The following TTC9 variants were observed in gnomAD, a reference collection of about 807,000 sequenced individuals.
TTC9 encodes the protein tetratricopeptide repeat protein 9A.
A neutral mutation model predicts 22.9 loss-of-function variants in TTC9; 13 were observed. The observed-to-expected ratio is 0.57, with a 90% CI of 0.37 to 0.90. The LOEUF (loss-of-function observed/expected upper bound fraction) is 0.90, where lower values mean the gene tolerates loss of function less well. Among genes scored for constraint, TTC9 ranks in the 40% least tolerant of loss-of-function variants. The pLI, the probability that TTC9 is intolerant of heterozygous loss-of-function variation, is 0.01. For missense variants in TTC9, 280 were observed against 291.8 expected (o/e 0.96, Z 0.29); for synonymous variants, 148 against 133.2 (o/e 1.11, Z -0.77).
At chr14:70,664,812 T>C (rs2139649362) in intron 1 of TTC9, among the ~76,000 whole-genome samples, 1 of 151,602 alleles carries the variant, frequency 6.6e-6, no homozygotes, top group Non-Finnish European at 1.5e-5. Context: ...TTCTCCATCT[T>C]TCTGGGCCCT....
At chr14:70,652,186 T>C (rs939221224) in intron 1 of TTC9, among the ~76,000 whole-genome samples, 3 of 152,218 alleles carry the variant, frequency 2.0e-5, no homozygotes, top group African/African-American at 7.2e-5. Context: ...TGCCTTGATC[T>C]TTCTGGGAGC....
chr14:70,658,572 T>TA (rs2139646089), intron 1 of TTC9, among the ~76,000 whole-genome samples: 1 of 152,258 alleles, frequency 6.6e-6, no homozygotes, highest in Non-Finnish European at 1.5e-5. Context: ...CACAGATATT[T>TA]AAAAAATAAT....
Position 70,674,299 on chromosome 14 carries a change from G to A in TTC9, c.*3144G>A, listed in dbSNP as rs1886338344. ...TTTAATTATTGTGAAAGCATCATGT[G>A]TGTATTGTAGAAGTTTTAGGAAAAA... On this transcript the variant is annotated 3_prime_UTR_variant, in exon 3 of 3. Transcript: ENST00000256367. The A allele has an allele frequency of 6.6e-6, 1 of 152,112 alleles. No individual in the cohort carries two copies. The highest frequency in any genetic ancestry group is 1.5e-5 in the Non-Finnish European group (1 of 68,028). The allele number at this position is 152,112 out of a possible 1,614,324, so 9.4% of individuals were successfully genotyped here. A position where few individuals can be genotyped will look rare whatever the true frequency, so the allele number is the denominator to read the frequency against.
At chr14:70,642,622 A>G (rs1885840023) in intron 1 of TTC9, 87 bp downstream of exon 1, 9 of 1,289,090 alleles carry the variant, frequency 7.0e-6, no homozygotes, top group Middle Eastern at 2.0e-4. Context: ...CGCGGTGCAG[A>G]TTCTCCTGCT....
At chr14:70,665,686 T>G (rs969461905) in intron 1 of TTC9, among the ~76,000 whole-genome samples, 1 of 152,220 alleles carries the variant, frequency 6.6e-6, no homozygotes, top group African/African-American at 2.4e-5. Flanking sequence ...ACAGTCTGTG[T>G]ATTTCTCCTC....
chr14:70,662,961 A>G (rs1327159209), intron 1 of TTC9, among the ~76,000 whole-genome samples: 10 of 152,152 alleles, frequency 6.6e-5, no homozygotes, highest in Non-Finnish European at 4.4e-5. Flanking sequence ...GAGAGAAAAT[A>G]TTGCAGAAAT....
intron 1 of TTC9, among the ~76,000 whole-genome samples, chr14:70,646,727 G>C (rs1247266407): frequency 6.6e-6 from 1 of 152,132 alleles, no homozygotes; most frequent in Non-Finnish European, 1.5e-5. Context: ...GATTTTTGTT[G>C]ATCTTACCAA....
At chr14:70,643,016 C>G (rs1302051431) in intron 1 of TTC9, among the ~76,000 whole-genome samples, 1 of 152,232 alleles carries the variant, frequency 6.6e-6, no homozygotes, top group East Asian at 1.9e-4. Flanking sequence ...AGATCTTCCC[C>G]AAGTTTTTTG....
rs2139653027 is a variant in TTC9, at chr14:70,671,540, G to T, written c.*385G>T. 4.5e-6 allele frequency: 1 copy of T among 219,974 alleles called. No individual in the cohort carries two copies. The highest frequency in any genetic ancestry group is 2.3e-5 in the African/African-American group (1 of 43,676). The allele number at this position is 219,974 out of a possible 1,614,324, so 13.6% of individuals were successfully genotyped here. ...CACAGGCAGCAGGCACACAGCCCAT[G>T]GGCTGGATCCTTCCACACTTTCCTG... is the stretch of plus-strand genomic sequence containing the variant. On this transcript the variant is annotated 3_prime_UTR_variant, in exon 3 of 3. Coordinates refer to ENST00000256367, the MANE Select transcript of TTC9 (RefSeq NM_015351.2).
At chr14:70,647,332 C>A (rs1022695741) in intron 1 of TTC9, among the ~76,000 whole-genome samples, 1 of 152,170 alleles carries the variant, frequency 6.6e-6, no homozygotes, top group Non-Finnish European at 1.5e-5. Context: ...CATATGTGCA[C>A]TTTCCACCAG....
Position 70,672,988 on chromosome 14 carries a change from T to C in TTC9, c.*1833T>C, listed in dbSNP as rs1279191995. ...ACCTGAAAAGTGTTCATGATGTCAG[T>C]GATAGTACATGGCCTCCTTATGTAT... On this transcript the variant is annotated 3_prime_UTR_variant, in exon 3 of 3. Coordinates refer to ENST00000256367, the MANE Select transcript of TTC9 (RefSeq NM_015351.2). 2 of 152,210 alleles carry C rather than the reference T, an allele frequency of 1.3e-5. No homozygotes were observed. Among genetic ancestry groups the C allele is most frequent in the Non-Finnish European group, 2.9e-5 (2 of 68,040 alleles). The allele number at this position is 152,210 out of a possible 1,614,324, so 9.4% of individuals were successfully genotyped here. A position where few individuals can be genotyped will look rare whatever the true frequency, so the allele number is the denominator to read the frequency against.
At chr14:70,665,104 A>G (rs1379862580) in intron 1 of TTC9, among the ~76,000 whole-genome samples, 1 of 151,912 alleles carries the variant, frequency 6.6e-6, no homozygotes, top group African/African-American at 2.4e-5. Flanking sequence ...ATTTTATTTT[A>G]TTTTTATTTT....
At chr14:70,666,973 T>C (rs1334265313) in intron 1 of TTC9, among the ~76,000 whole-genome samples, 2 of 152,116 alleles carry the variant, frequency 1.3e-5, no homozygotes, top group Non-Finnish European at 2.9e-5. Flanking sequence ...AAATGTATGA[T>C]CTCACAGTTC....
At chr14:70,647,836 G>T (rs1885925733) in intron 1 of TTC9, among the ~76,000 whole-genome samples, 1 of 152,200 alleles carries the variant, frequency 6.6e-6, no homozygotes, top group South Asian at 2.1e-4. Context: ...GGTTCCTTCT[G>T]AGTGTGGGGC....
intron 1 of TTC9, among the ~76,000 whole-genome samples, chr14:70,643,802 G>A (rs1885864111): frequency 1.3e-5 from 2 of 152,100 alleles, no homozygotes; most frequent in African/African-American, 4.8e-5. Context: ...ATCTTTGATC[G>A]GGTAAAACCC....
At position 70,649,466 on chromosome 14, in the gene TTC9, G is replaced by T. The variant is rs80319759; in HGVS notation, c.406+6931G>T. Among the ~76,000 whole-genome samples, 63 of 152,270 alleles carry T rather than the reference G, an allele frequency of 4.1e-4. 1 individual carries two copies. Among genetic ancestry groups the T allele is most frequent in the Non-Finnish European group, 4.3e-4 (29 of 68,012 alleles). ...ATGTATATATAATTTCATTTGATCT[G>T]TACAACTCTGTGAGACAGAAAAGTC... is the stretch of plus-strand genomic sequence containing the variant. On this transcript the variant is annotated intron_variant, in intron 1 of 2. Coordinates refer to ENST00000256367, the MANE Select transcript of TTC9 (RefSeq NM_015351.2).
chr14:70,662,586 CCTT>C (rs1566700583), intron 1 of TTC9, among the ~76,000 whole-genome samples: 2 of 152,146 alleles, frequency 1.3e-5, no homozygotes, highest in Non-Finnish European at 2.9e-5. Context: ...ACAATTTTGT[CCTT>C]CTATTAAGTG....
intron 1 of TTC9, among the ~76,000 whole-genome samples, chr14:70,663,994 C>T (rs1328610285): frequency 3.3e-5 from 5 of 152,278 alleles, no homozygotes; most frequent in Non-Finnish European, 7.4e-5. Flanking sequence ...TACTTCATTT[C>T]TCTGGAACTC....
At chr14:70,649,608 A>C (rs1885952406) in intron 1 of TTC9, among the ~76,000 whole-genome samples, 1 of 152,196 alleles carries the variant, frequency 6.6e-6, no homozygotes, top group Non-Finnish European at 1.5e-5. Flanking sequence ...CATTCACCCT[A>C]CCACCTCCAT....
Sources: allele counts gnomAD v4.1 joint callset (sites outside exome capture counted in the v4.1 genomes callset), GRCh38; gene constraint gnomAD v4.1.1; transcripts MANE v1.5; gene names NCBI Gene and HGNC (gene_info 2026-07-23, HGNC 2026-07-21).